AK8: variants seen among roughly 807,000 people sequenced by gnomAD.
AK8 encodes the protein ATP-AMP transphosphorylase 8.
A neutral mutation model predicts 54.6 loss-of-function variants in AK8; 44 were observed. That is an observed-to-expected ratio of 0.81 (90% confidence interval 0.63 to 1.04). AK8 has a LOEUF of 1.04. Among genes scored for constraint, AK8 ranks in the 50% least tolerant of loss-of-function variants. The pLI, the probability that AK8 is intolerant of heterozygous loss-of-function variation, is 0.00. For synonymous variants in AK8, 239 were observed against 245.6 expected, an observed-to-expected ratio of 0.97 and a Z score of 0.25; for missense variants, 555 against 613.6, an observed-to-expected ratio of 0.90 and a Z score of 1.01.
chr9:132,734,267 C>G (rs1054693760), intron 11 of AK8, among the ~76,000 whole-genome samples: 1 of 152,206 alleles, frequency 6.6e-6, no homozygotes, highest in Non-Finnish European at 1.5e-5. Flanking sequence ...ATTCGTAAGT[C>G]AGAAGCTCGG....
At chr9:132,866,125 G>A (rs1377524815) in intron 3 of AK8, among the ~76,000 whole-genome samples, 2 of 152,186 alleles carry the variant, frequency 1.3e-5, no homozygotes, top group Non-Finnish European at 2.9e-5. Context: ...TTGAACCTAG[G>A]AGGCAGAGGT....
At chr9:132,804,350 C>T (rs1408157275) in intron 10 of AK8, among the ~76,000 whole-genome samples, 6 of 152,106 alleles carry the variant, frequency 3.9e-5, no homozygotes, top group Admixed American at 2.6e-4. Context: ...GAGCAGACAG[C>T]GTGAGCAGAA....
chr9:132,797,296 C>T (rs1322305995), intron 10 of AK8, among the ~76,000 whole-genome samples: 4 of 150,998 alleles, frequency 2.6e-5, no homozygotes, highest in Admixed American at 2.6e-4. Context: ...CTAATAAACA[C>T]GAAGGAAGGA....
intron 2 of AK8, among the ~76,000 whole-genome samples, chr9:132,868,284 T>C (rs1242712483): frequency 6.6e-6 from 1 of 152,236 alleles, no homozygotes; most frequent in African/African-American, 2.4e-5. Flanking sequence ...TTAGCACATC[T>C]ACACCCAGCT....
intron 11 of AK8, chr9:132,769,305 T>C (rs934941784): frequency 6.6e-6 from 1 of 152,228 alleles, no homozygotes; most frequent in African/African-American, 2.4e-5. Context: ...AGACTCGAAC[T>C]GATGCTCTCT....
At position 132,854,870 on chromosome 9, in the gene AK8, T is replaced by C. The variant is rs17407084; in HGVS notation, c.389A>G (p.Asp130Gly). ...CTGGAGTCTTACCTGCTTGATGCAA[T>C]CCTCTTCAGCCAGGCGTTCCTGAAT... ...QLIQERLAEE[D>G]CIKQGWILDG... The change falls in exon 5 of 13, where the codon GAT becomes GGT. Residue 130 changes from aspartate (D) to glycine (G), a missense_variant. Transcript: ENST00000298545. The C allele has an allele frequency of 0.04, 64,476 of 1,613,926 alleles. 1,456 individuals carry two copies. Among genetic ancestry groups the C allele is most frequent in the Non-Finnish European group, 0.045 (53,332 of 1,179,946 alleles).
At chr9:132,827,136 G>A in intron 7 of AK8, 82 bp from the exon 8 acceptor site, 1 of 1,437,078 alleles carries the variant, frequency 7.0e-7, no homozygotes, top group Non-Finnish European at 9.7e-7. Context: ...GGTGCTTGCT[G>A]TCCTGGAGGC....
At chr9:132,844,064 TC>T (rs1217341598) in intron 5 of AK8, among the ~76,000 whole-genome samples, 1 of 152,044 alleles carries the variant, frequency 6.6e-6, no homozygotes, top group Non-Finnish European at 1.5e-5. Flanking sequence ...ACTGAGCCTT[TC>T]CCCCCAAGTT....
At chr9:132,740,489 T>C (rs1837318873) in intron 11 of AK8, among the ~76,000 whole-genome samples, 1 of 152,120 alleles carries the variant, frequency 6.6e-6, no homozygotes, top group Non-Finnish European at 1.5e-5. Flanking sequence ...AGTGGCCGTG[T>C]GTGGTGGGCT....
chr9:132,750,793 A>C (rs1837884939), intron 11 of AK8, among the ~76,000 whole-genome samples: 1 of 151,916 alleles, frequency 6.6e-6, no homozygotes, highest in Non-Finnish European at 1.5e-5. Context: ...ATACCAATGG[A>C]AATTAGGTAC....
At chr9:132,751,415 G>A (rs1303823006) in intron 11 of AK8, among the ~76,000 whole-genome samples, 1 of 150,158 alleles carries the variant, frequency 6.7e-6, no homozygotes, top group Non-Finnish European at 1.5e-5. Context: ...ACCAACTTCT[G>A]GGTTTTGCTA....
chr9:132,848,426 C>T (rs150626517), intron 5 of AK8, among the ~76,000 whole-genome samples: 1 of 152,176 alleles, frequency 6.6e-6, no homozygotes, highest in East Asian at 1.9e-4. Context: ...GAAAAGTTCC[C>T]GTGAGGTTGG....
At position 132,790,982 on chromosome 9, in the gene AK8, G is replaced by A. The variant is rs1172424181; in HGVS notation, c.1121+1652C>T. Reference sequence around the variant, plus strand: ...TACCTAGAAATAAAATAAAAAATGCGAGACCCAAGGAAGTGTTGATATTTT... The same window carrying A: ...TACCTAGAAATAAAATAAAAAATGCAAGACCCAAGGAAGTGTTGATATTTT... On this transcript the variant is annotated intron_variant, in intron 11 of 12. Transcript: ENST00000298545. The surrounding 1 kb of genome is among the most constrained non-coding windows in gnomAD (Gnocchi z 4.1). Among the ~76,000 whole-genome samples, 1 of 152,104 alleles carries A rather than the reference G, an allele frequency of 6.6e-6. No homozygotes were observed. The highest frequency in any genetic ancestry group is 1.5e-5 in the Non-Finnish European group (1 of 68,024).
intron 11 of AK8, among the ~76,000 whole-genome samples, chr9:132,777,994 G>A (rs1298514844): frequency 1.3e-5 from 2 of 152,190 alleles, no homozygotes; most frequent in Non-Finnish European, 2.9e-5. Flanking sequence ...AGGTGCGAAG[G>A]AGCGCAGCAG....
chr9:132,731,677 A>G (rs1836853519), intron 11 of AK8, among the ~76,000 whole-genome samples: 1 of 152,222 alleles, frequency 6.6e-6, no homozygotes, highest in Non-Finnish European at 1.5e-5. Flanking sequence ...GAGATGTCCT[A>G]TTTATGCAAC....
intron 5 of AK8, among the ~76,000 whole-genome samples, chr9:132,830,894 T>G (rs1401328103): frequency 6.6e-6 from 1 of 152,236 alleles, no homozygotes. Flanking sequence ...ATTGTGTTCT[T>G]GTGTTTTTAC....
intron 11 of AK8, among the ~76,000 whole-genome samples, chr9:132,744,827 G>T (rs938228175): frequency 6.6e-6 from 1 of 152,128 alleles, no homozygotes; most frequent in African/African-American, 2.4e-5. Flanking sequence ...TATGCTGCCC[G>T]CCATGAAATA....
intron 11 of AK8, among the ~76,000 whole-genome samples, chr9:132,748,580 T>C (rs1837761418): frequency 6.6e-6 from 1 of 151,946 alleles, no homozygotes; most frequent in Non-Finnish European, 1.5e-5. Context: ...TAGATGCTAG[T>C]TGCTGGCTGC....
chr9:132,824,770 G>C (rs1210278665), intron 8 of AK8, among the ~76,000 whole-genome samples: 1 of 152,180 alleles, frequency 6.6e-6, no homozygotes, highest in East Asian at 1.9e-4. Flanking sequence ...CATTAGAGAT[G>C]CACAGTCCCC....
Sources: gnomAD v4.1 joint callset for allele counts (sites outside exome capture counted in the v4.1 genomes callset) on GRCh38, gnomAD v4.1.1 for gene constraint, Gnocchi (gnomAD v3.1) non-coding constraint, MANE v1.5 for transcripts, NCBI Gene and HGNC (gene_info 2026-07-23, HGNC 2026-07-21) for gene names.